The following MED27 variants were observed in gnomAD, a reference collection of about 807,000 sequenced individuals.
MED27 encodes the protein mediator complex subunit 27.
Under a neutral mutation model 38.2 loss-of-function variants are expected in MED27, and 30 were observed. The ratio of observed to expected loss-of-function variants is 0.79; its 90% CI spans 0.59 to 1.07. The LOEUF is 1.07. MED27 is among the 50% of genes least tolerant of loss of function. The pLI, the probability that MED27 is intolerant of heterozygous loss-of-function variation, is 0.00. For missense variants in MED27, 289 were observed against 397.5 expected (o/e 0.73, Z 2.32); for synonymous variants, 122 against 153.5 (o/e 0.79, Z 1.52).
rs150103196 is a variant in MED27 at position 131,896,834 on chromosome 9, C to T, written c.574-2842G>A. 3.7e-4 allele frequency among the ~76,000 whole-genome samples: 56 copies of T among 152,344 alleles called. No individual in the cohort carries two copies. In the East Asian group the frequency reaches 9.8e-3, roughly 27 times the overall value. On this transcript the variant is annotated intron_variant, in intron 4 of 7. Coordinates refer to ENST00000292035, the MANE Select transcript of MED27 (RefSeq NM_004269.4). Reference sequence around the variant, plus strand: ...GTAAACTCCGCCTCCCGGGTTCAAGCGATTTTCCTGCCTCAGCCTCCTGAG... The same window carrying T: ...GTAAACTCCGCCTCCCGGGTTCAAGTGATTTTCCTGCCTCAGCCTCCTGAG...
At chr9:131,890,446 C>T (rs181583545) in intron 5 of MED27, among the ~76,000 whole-genome samples, 64 of 152,302 alleles carry the variant, frequency 4.2e-4, no homozygotes, top group Non-Finnish European at 6.9e-4. Flanking sequence ...AGAGAGAGGC[C>T]GGGCTAATCT....
intron 4 of MED27, among the ~76,000 whole-genome samples, chr9:131,911,638 G>A (rs1830190255): frequency 2.0e-5 from 3 of 152,224 alleles, no homozygotes; most frequent in Non-Finnish European, 4.4e-5. Context: ...TTTGATTCTA[G>A]AAGGTGTGAA....
intron 3 of MED27, among the ~76,000 whole-genome samples, chr9:131,993,568 G>A (rs535600191): frequency 4.7e-4 from 71 of 152,282 alleles, no homozygotes; most frequent in African/African-American, 1.5e-3. Context: ...GGATGCCCCC[G>A]TTCCGAGTGG....
At chr9:131,966,380 T>C (rs1831347447) in intron 3 of MED27, among the ~76,000 whole-genome samples, 1 of 3,510 alleles carries the variant, frequency 2.8e-4, no homozygotes, top group Admixed American at 3.8e-3. Flanking sequence ...CCAGACCCTG[T>C]CACAAAAAAA....
chr9:131,914,904 A>G (rs966980359), intron 4 of MED27, among the ~76,000 whole-genome samples: 2 of 152,228 alleles, frequency 1.3e-5, no homozygotes, highest in African/African-American at 2.4e-5. Context: ...TTGATTGTGA[A>G]GTATGGGAGA....
intron 2 of MED27, among the ~76,000 whole-genome samples, chr9:132,052,040 G>A (rs1229828818): frequency 1.3e-5 from 2 of 152,150 alleles, no homozygotes. Flanking sequence ...GCCTCATCCA[G>A]CCCAAGCATG....
intron 3 of MED27, among the ~76,000 whole-genome samples, chr9:131,966,198 T>TAA (rs1564303381): frequency 1.1e-5 from 1 of 88,512 alleles, no homozygotes; most frequent in Admixed American, 1.3e-4. Flanking sequence ...GCCTGTTTCT[T>TAA]TAAAAAAAAA....
chr9:131,909,832 T>C (rs1476100835), intron 4 of MED27, among the ~76,000 whole-genome samples: 1 of 152,236 alleles, frequency 6.6e-6, no homozygotes, highest in Non-Finnish European at 1.5e-5. Flanking sequence ...CATGAGGTAG[T>C]TAGAATACTG....
At chr9:132,026,116 C>G (rs1832811897) in intron 2 of MED27, among the ~76,000 whole-genome samples, 1 of 152,172 alleles carries the variant, frequency 6.6e-6, no homozygotes, top group African/African-American at 2.4e-5. Context: ...TTTCCCAAAT[C>G]TGCTGTGAAG....
At chr9:131,959,758 G>A (rs1831176503) in intron 3 of MED27, among the ~76,000 whole-genome samples, 1 of 152,018 alleles carries the variant, frequency 6.6e-6, no homozygotes, top group African/African-American at 2.4e-5. Context: ...CTTAACCTCT[G>A]GGAATAACTG....
intron 4 of MED27, among the ~76,000 whole-genome samples, chr9:131,894,962 T>C (rs1015730404): frequency 2.0e-5 from 3 of 152,170 alleles, no homozygotes; most frequent in African/African-American, 7.2e-5. Flanking sequence ...GGATACCCCT[T>C]GGGTTTTGGC....
At chr9:132,036,186 G>T (rs566433184) in intron 2 of MED27, among the ~76,000 whole-genome samples, 26 of 152,198 alleles carry the variant, frequency 1.7e-4, no homozygotes, top group African/African-American at 6.3e-4. Context: ...AGGTCTTTTG[G>T]TTTATATGTA....
At position 131,949,694 on chromosome 9, in the gene MED27, T is replaced by C. The variant is rs929924155; in HGVS notation, c.480-10220A>G. Among the ~76,000 whole-genome samples, 3 of 152,226 alleles carry C rather than the reference T, an allele frequency of 2.0e-5. No homozygotes were observed. In the South Asian group the frequency reaches 6.2e-4, roughly 32 times the overall value. ...TGAAATCAATTGATGGTTTTCTTTC[T>C]TCCCAGTCATTTGGTAAATATTCAT... is the stretch of plus-strand genomic sequence containing the variant. On this transcript the variant is annotated intron_variant, in intron 3 of 7. Coordinates refer to ENST00000292035, the MANE Select transcript of MED27 (RefSeq NM_004269.4).
At chr9:131,891,473 C>T (rs1382231971) in intron 5 of MED27, among the ~76,000 whole-genome samples, 4 of 152,132 alleles carry the variant, frequency 2.6e-5, no homozygotes, top group African/African-American at 7.2e-5. Flanking sequence ...AATTTGGTGG[C>T]CAAATAAGTT....
intron 3 of MED27, among the ~76,000 whole-genome samples, chr9:131,984,169 C>A (rs1465233712): frequency 2.0e-5 from 3 of 152,174 alleles, no homozygotes; most frequent in Non-Finnish European, 4.4e-5. Context: ...CCTGACCGTT[C>A]TTTTTAAAGT....
Position 131,872,329 on chromosome 9 carries a change from C to A in MED27, c.724-9189G>T, listed in dbSNP as rs954755313. ...CTGCTGAGGGCATTATCTGCCAGCA[C>A]ACAGCCCCCGAGGCCAAGCTAGAAG... On this transcript the variant is annotated intron_variant, in intron 6 of 7. Transcript: ENST00000292035. The surrounding 1 kb of genome is among the most constrained non-coding windows in gnomAD (Gnocchi z 5.6). Among the ~76,000 whole-genome samples the A allele has an allele frequency of 6.6e-6, 1 of 152,264 alleles. No homozygotes were observed. The highest frequency in any genetic ancestry group is 2.4e-5 in the African/African-American group (1 of 41,474).
At chr9:132,056,197 G>T (rs924233624) in intron 2 of MED27, among the ~76,000 whole-genome samples, 1 of 152,090 alleles carries the variant, frequency 6.6e-6, no homozygotes, top group Non-Finnish European at 1.5e-5. Flanking sequence ...TCATTAAGTC[G>T]GACAAATACT....
Position 131,996,656 on chromosome 9 carries a change from C to A in MED27, c.479+17681G>T, listed in dbSNP as rs180951673. Among the ~76,000 whole-genome samples the A allele has an allele frequency of 4.6e-5, 7 of 152,310 alleles. No homozygotes were observed. The East Asian group carries it at 1.2e-3, about 25-fold the overall frequency. Reference sequence around the variant, plus strand: ...AAGTGTCTGGCAGTGAAGAACACAGCACAGTTGGCCCTTGAACAACATGAG... The same window carrying A: ...AAGTGTCTGGCAGTGAAGAACACAGAACAGTTGGCCCTTGAACAACATGAG... On this transcript the variant is annotated intron_variant, in intron 3 of 7. Transcript: ENST00000292035.
chr9:132,017,758 T>C (rs913452015), intron 2 of MED27, among the ~76,000 whole-genome samples: 14 of 152,290 alleles, frequency 9.2e-5, no homozygotes, highest in African/African-American at 3.1e-4. Flanking sequence ...CACTTTCTAT[T>C]TTCTATGAAT....
Sources: gnomAD v4.1 joint callset for allele counts (sites outside exome capture counted in the v4.1 genomes callset) on GRCh38, gnomAD v4.1.1 for gene constraint, Gnocchi (gnomAD v3.1) non-coding constraint, MANE v1.5 for transcripts, NCBI Gene and HGNC (gene_info 2026-07-23, HGNC 2026-07-21) for gene names.